RAB44: variants seen among roughly 807,000 people sequenced by gnomAD.
The protein encoded by RAB44 is RAB44, member RAS oncogene family.
A neutral mutation model predicts 93.3 loss-of-function variants in RAB44; 67 were observed. The observed-to-expected ratio is 0.72, with a 90% CI of 0.59 to 0.88. The LOEUF (loss-of-function observed/expected upper bound fraction) is 0.88. Among genes scored for constraint, RAB44 ranks in the 40% least tolerant of loss-of-function variants. The pLI is 0.00. For synonymous variants in RAB44, 427 were observed against 520.3 expected (o/e 0.82, Z 2.44); for missense variants, 1,064 against 1,261.7 (o/e 0.84, Z 2.37).
At position 36,718,100 on chromosome 6, in the gene RAB44, G is replaced by A; in HGVS notation, c.714G>A (p.Lys238=). 1 of 1,232,386 alleles carries A rather than the reference G, an allele frequency of 8.1e-7. No homozygotes were observed. Among genetic ancestry groups the A allele is most frequent in the Non-Finnish European group, 1.0e-6 (1 of 988,170 alleles). 76.3% of individuals were successfully genotyped at this position (1,232,386 alleles called of 1,614,324 possible). A position where few individuals can be genotyped will look rare whatever the true frequency, so the allele number is the denominator to read the frequency against. ...EEMEQQIRQE[K]QQLQAESDSR... ...TGGAGCAGCAGATCCGCCAGGAGAAGCAGCAGCTGCAGGCTGAGGTGGGCT... is the reference window on the plus strand; with the variant it reads ...TGGAGCAGCAGATCCGCCAGGAGAAACAGCAGCTGCAGGCTGAGGTGGGCT... The change falls in exon 6 of 14, where the codon AAG becomes AAA. Residue 238 remains lysine (K), a synonymous_variant. Coordinates refer to ENST00000612677, the MANE Select transcript of RAB44 (RefSeq NM_001257357.2).
intron 1 of RAB44, among the ~76,000 whole-genome samples, chr6:36,702,457 CCCCTGGAATGAG>C (rs1371258335): frequency 6.6e-6 from 1 of 152,300 alleles, no homozygotes; most frequent in East Asian, 1.9e-4. Flanking sequence ...GTGGAATGAC[CCCCTGGAATGAG>C]CCCATGAGGC....
At chr6:36,711,720 C>T (rs1762791555) in intron 2 of RAB44, among the ~76,000 whole-genome samples, 1 of 152,122 alleles carries the variant, frequency 6.6e-6, no homozygotes, top group African/African-American at 2.4e-5. Flanking sequence ...TCCAGATGTA[C>T]AAAAGTATTT....
Position 36,721,440 on chromosome 6 carries a change from C to A in RAB44, c.1306C>A (p.Pro436Thr). 8.1e-7 allele frequency: 1 copy of A among 1,234,438 alleles called. No homozygotes were observed. Among genetic ancestry groups the A allele is most frequent in the South Asian group, 4.1e-5 (1 of 24,416 alleles). The allele number at this position is 1,234,438 out of a possible 1,614,324, so 76.5% of individuals were successfully genotyped here. A position where few individuals can be genotyped will look rare whatever the true frequency, so the allele number is the denominator to read the frequency against. Reference protein sequence around the residue: ...SDPDGAPRTPPGVTFSAKDNK... With the variant: ...SDPDGAPRTPTGVTFSAKDNK... Reference sequence around the variant, plus strand: ...TCCAGATGGGGCTCCAAGGACCCCACCTGGGGTGACTTTCAGCGCCAAGGA... The same window carrying A: ...TCCAGATGGGGCTCCAAGGACCCCAACTGGGGTGACTTTCAGCGCCAAGGA... Residue 436 changes from proline (P) to threonine (T), a missense_variant, in exon 9 of 14, where the codon CCT becomes ACT. Transcript: ENST00000612677.
chr6:36,722,313 G>A lies in RAB44; in HGVS notation c.2179G>A (p.Ala727Thr). 7.5e-7 allele frequency: 1 copy of A among 1,327,994 alleles called. No individual in the cohort carries two copies. The highest frequency in any genetic ancestry group is 9.6e-7 in the Non-Finnish European group (1 of 1,041,074). The allele number at this position is 1,327,994 out of a possible 1,614,324, so 82.3% of individuals were successfully genotyped here. A position where few individuals can be genotyped will look rare whatever the true frequency, so the allele number is the denominator to read the frequency against. ...TTCTCTCCCATCTGCCACACCACAG[G>A]CTCAGGTGGAAGCAGAAGGCCCCAC... ...LVSLPSATPQ[A>T]QVEAEGPTPG... Residue 727 changes from alanine to threonine, a missense_variant, in exon 9 of 14, where the codon GCT becomes ACT. Transcript: ENST00000612677.
intron 2 of RAB44, among the ~76,000 whole-genome samples, chr6:36,709,549 C>CTGT (rs56752462): frequency 2.0e-5 from 3 of 151,982 alleles, no homozygotes; most frequent in Admixed American, 2.0e-4. Context: ...GTTAATTGAA[C>CTGT]TGTTGTTGTT....
At chr6:36,714,053 C>T in intron 3 of RAB44, 114 bp downstream of exon 3, 1 of 690,412 alleles carries the variant, frequency 1.4e-6, no homozygotes, top group Non-Finnish European at 2.5e-6. Flanking sequence ...ACTTTCACCC[C>T]CCATCCCCGG....
intron 4 of RAB44, among the ~76,000 whole-genome samples, chr6:36,716,812 T>C (rs1250482290): frequency 6.6e-6 from 1 of 152,240 alleles, no homozygotes; most frequent in Non-Finnish European, 1.5e-5. Context: ...GCAGCCTTTA[T>C]TGGGCACCAA....
Position 36,725,851 on chromosome 6 carries a change from A to G in RAB44, c.2600-11A>G, listed in dbSNP as rs1404607737. ...AACTTAGTAGGCTTCACCCCTCTCT[A>G]TGTGTCCTAGGAGTAGATTTTCGGG... On this transcript the variant is annotated splice_polypyrimidine_tract_variant and intron_variant, in intron 9 of 13. Transcript: ENST00000612677. 1.5e-5 allele frequency: 23 copies of G among 1,547,508 alleles called. No homozygotes were observed. The highest frequency in any genetic ancestry group is 2.7e-5 in the African/African-American group (2 of 73,090).
chr6:36,725,702 C>A (rs951353974), intron 9 of RAB44, 160 bp from the exon 10 acceptor site: 3 of 609,732 alleles, frequency 4.9e-6, no homozygotes, highest in Non-Finnish European at 9.3e-6. Context: ...GGAAGTGGGT[C>A]CTCGAGTATG....
At chr6:36,726,107 G>A (rs1035210868) in intron 10 of RAB44, among the ~76,000 whole-genome samples, 164 bp downstream of exon 10, 2 of 152,158 alleles carry the variant, frequency 1.3e-5, no homozygotes, top group African/African-American at 2.4e-5. Context: ...GGGAGAGAGG[G>A]CAGCAGAGCC....
rs1187082844 is a variant in RAB44 at position 36,732,723 on chromosome 6, G to A, written c.*630G>A. On this transcript the variant is annotated 3_prime_UTR_variant, in exon 14 of 14. Transcript: ENST00000612677. The stretch of plus-strand genomic sequence containing the variant: ...GAATCTGGTTCCTGGGAAGAGTAAT[G>A]TTCCAAAGGCCTCTGATATGCCTCG... 1.3e-5 allele frequency: 2 copies of A among 152,160 alleles called. No homozygotes were observed. The highest frequency in any genetic ancestry group is 4.8e-5 in the African/African-American group (2 of 41,426). The allele number at this position is 152,160 out of a possible 1,614,324, so 9.4% of individuals were successfully genotyped here. A position where few individuals can be genotyped will look rare whatever the true frequency, so the allele number is the denominator to read the frequency against.
chr6:36,715,034 G>T (rs1237873213), intron 3 of RAB44, among the ~76,000 whole-genome samples: 1 of 151,798 alleles, frequency 6.6e-6, no homozygotes, highest in South Asian at 2.1e-4. Flanking sequence ...CATCTAAGTC[G>T]ATCCTCCCAG....
intron 2 of RAB44, among the ~76,000 whole-genome samples, chr6:36,712,861 TGGGGA>T (rs1762820819): frequency 6.6e-6 from 1 of 152,080 alleles, no homozygotes; most frequent in Non-Finnish European, 1.5e-5. Context: ...CTGCCACCAA[TGGGGA>T]ATAACTTATC....
Position 36,720,442 on chromosome 6 carries a change from G to A in RAB44, c.908G>A (p.Arg303His), listed in dbSNP as rs1435073145. Residue 303 changes from arginine to histidine, a missense_variant, in exon 8 of 14, where the codon CGT (arginine) becomes CAT (histidine). Coordinates refer to ENST00000612677, the MANE Select transcript of RAB44 (RefSeq NM_001257357.2). The part of the protein sequence containing the change: ...SENQQLQEAK[R>H]DLAGRLEEVR... ...AACCAGCAGCTGCAGGAGGCCAAGC[G>A]TGACCTGGCTGGGCGGCTGGAGGAG... 17 of 1,232,808 alleles carry A rather than the reference G, an allele frequency of 1.4e-5. No homozygotes were observed. In the East Asian group the frequency reaches 4.4e-4, roughly 32 times the overall value. The allele number at this position is 1,232,808 out of a possible 1,614,324, so 76.4% of individuals were successfully genotyped here.
chr6:36,703,902 A>G (rs1762573188), intron 1 of RAB44, among the ~76,000 whole-genome samples: 1 of 152,170 alleles, frequency 6.6e-6, no homozygotes, highest in Non-Finnish European at 1.5e-5. Context: ...GCGTGCGGTG[A>G]ATAGGATATA....
At chr6:36,725,761 C>G in intron 9 of RAB44, 101 bp from the exon 10 acceptor site, 1 of 780,532 alleles carries the variant, frequency 1.3e-6, no homozygotes. Context: ...GGCTCCATCG[C>G]ACCGCAGCTG....
chr6:36,703,954 C>T (rs2150324243), intron 1 of RAB44, among the ~76,000 whole-genome samples: 1 of 152,168 alleles, frequency 6.6e-6, no homozygotes, highest in African/African-American at 2.4e-5. Flanking sequence ...TGAGTAGTAG[C>T]CTGAAGAGAT....
chr6:36,730,763 GCCCCCCGCCGCCCCCA>G lies in RAB44; in HGVS notation c.2975+21_2975+36del. On this transcript the variant is annotated intron_variant, in intron 13 of 13. Transcript: ENST00000612677. ...AAACCTGGCCAGGTAAGTGCTGCCC[GCCCCCCGCCGCCCCCA>G]CCCCCCCCCTTGCAGAATCCTCTGG... is the stretch of plus-strand genomic sequence containing the variant. 2.7e-6 allele frequency: 3 copies of G among 1,104,068 alleles called. No individual in the cohort carries two copies. The highest frequency in any genetic ancestry group is 3.3e-6 in the Non-Finnish European group (3 of 908,988). The allele number at this position is 1,104,068 out of a possible 1,614,324, so 68.4% of individuals were successfully genotyped here. A position where few individuals can be genotyped will look rare whatever the true frequency, so the allele number is the denominator to read the frequency against.
chr6:36,725,719 A>T (rs1018340722), intron 9 of RAB44, 143 bp from the exon 10 acceptor site: 11 of 643,060 alleles, frequency 1.7e-5, no homozygotes, highest in African/African-American at 1.4e-4. Context: ...TATGGATGGG[A>T]TGCAGAGCCG....
Sources: gnomAD v4.1 joint callset for allele counts (sites outside exome capture counted in the v4.1 genomes callset) on GRCh38, gnomAD v4.1.1 for gene constraint, MANE v1.5 for transcripts, NCBI Gene and HGNC (gene_info 2026-07-23, HGNC 2026-07-21) for gene names.